Variants in USP8 observed in about 807,000 individuals in gnomAD.
USP8 encodes ubiquitin specific peptidase 8, also known as ubiquitin carboxyl-terminal hydrolase 8.
In USP8, 27 loss-of-function variants were observed where a neutral mutation model predicts 130.0. That is an observed-to-expected ratio of 0.21 (90% CI 0.15 to 0.29). USP8 has a LOEUF of 0.29. Among genes scored for constraint, USP8 ranks in the 10% least tolerant of loss-of-function variants. The pLI is 1.00. For synonymous variants in USP8, 392 were observed against 444.1 expected (o/e 0.88, Z 1.48); for missense variants, 1,029 against 1,312.2 (o/e 0.78, Z 3.33).
At chr15:50,473,194 C>A (rs969441991) in intron 8 of USP8, among the ~76,000 whole-genome samples, 1 of 152,044 alleles carries the variant, frequency 6.6e-6, no homozygotes, top group Non-Finnish European at 1.5e-5. Flanking sequence ...AAAAATAATA[C>A]GGTTGTCCTC....
intron 3 of USP8, among the ~76,000 whole-genome samples, chr15:50,443,152 C>T (rs1343714973): frequency 6.6e-6 from 1 of 152,116 alleles, no homozygotes; most frequent in African/African-American, 2.4e-5. Flanking sequence ...GATTCTCCTG[C>T]CTCAGCCTCC....
In USP8 at chr15:50,499,551, C is replaced by T. The variant is rs908731311; in HGVS notation, c.*463C>T. On this transcript the variant is annotated 3_prime_UTR_variant, in exon 20 of 20. Transcript: ENST00000307179. ...GATGTACATAGTTTAACACGTGGTCCTTTTGTGAAACCTAGAACTCAGAGG... is the reference window on the plus strand; with the variant it reads ...GATGTACATAGTTTAACACGTGGTCTTTTTGTGAAACCTAGAACTCAGAGG... The T allele has an allele frequency of 1.3e-5, 2 of 152,146 alleles. No homozygotes were observed. The highest frequency in any genetic ancestry group is 2.9e-5 in the Non-Finnish European group (2 of 68,066). 9.4% of individuals were successfully genotyped at this position (152,146 alleles called of 1,614,324 possible).
chr15:50,450,617 A>G (rs1433644339), intron 4 of USP8, among the ~76,000 whole-genome samples: 2 of 151,826 alleles, frequency 1.3e-5, no homozygotes, highest in African/African-American at 4.8e-5. Flanking sequence ...TATTACAGGC[A>G]TGTGCCACCA....
chr15:50,432,006 C>A (rs1383774956), intron 1 of USP8, among the ~76,000 whole-genome samples: 1 of 152,150 alleles, frequency 6.6e-6, no homozygotes, highest in East Asian at 1.9e-4. Context: ...TCCTCAAGGC[C>A]AGGTTCTCTC....
In USP8 at chr15:50,471,803, A is replaced by G. The variant is rs748671447; in HGVS notation, c.849+8A>G. On this transcript the variant is annotated splice_region_variant and intron_variant, in intron 8 of 19. Coordinates refer to ENST00000307179, the MANE Select transcript of USP8 (RefSeq NM_005154.5). Reference sequence around the variant, plus strand: ...AAAGATGCACTTTTCAAGGTTTGCAAGTTTCATTGTTAGTTTATTGTAATT... The same window carrying G: ...AAAGATGCACTTTTCAAGGTTTGCAGGTTTCATTGTTAGTTTATTGTAATT... 15 of 1,613,324 alleles carry G rather than the reference A, an allele frequency of 9.3e-6. No homozygotes were observed. The South Asian group carries it at 1.7e-4, about 18-fold the overall frequency.
intron 3 of USP8, among the ~76,000 whole-genome samples, chr15:50,447,901 C>T (rs1269052394): frequency 2.0e-5 from 3 of 151,914 alleles, no homozygotes; most frequent in African/African-American, 7.2e-5. Flanking sequence ...CCGTGCCCAG[C>T]CTAATTTTTG....
At chr15:50,475,459 T>C (rs1053608912) in intron 8 of USP8, among the ~76,000 whole-genome samples, 2 of 152,212 alleles carry the variant, frequency 1.3e-5, no homozygotes, top group East Asian at 3.9e-4. Context: ...AGTGTATAAA[T>C]TGGTATAGCC....
intron 17 of USP8, chr15:50,496,875 A>G (rs77228912): frequency 4.3e-6 from 2 of 464,358 alleles, no homozygotes; most frequent in Non-Finnish European, 7.3e-6. Context: ...TCCTGTCACA[A>G]CACACTGTAG....
intron 12 of USP8, among the ~76,000 whole-genome samples, chr15:50,485,311 G>T (rs374842973): frequency 6.6e-6 from 1 of 151,638 alleles, no homozygotes; most frequent in African/African-American, 2.4e-5. Context: ...TTAGCCGGGC[G>T]TGGTGGCAGG....
Position 50,500,647 on chromosome 15 carries a change from C to T in USP8, c.*1559C>T. ...TGCAGTGTTCAGGAAACACCATTTTCCTGGCTCTTAACGCTTTTGTATTGG... is the reference window on the plus strand; with the variant it reads ...TGCAGTGTTCAGGAAACACCATTTTTCTGGCTCTTAACGCTTTTGTATTGG... On this transcript the variant is annotated 3_prime_UTR_variant, in exon 20 of 20. Coordinates refer to ENST00000307179, the MANE Select transcript of USP8 (RefSeq NM_005154.5). The T allele has an allele frequency of 2.2e-6, 2 of 912,680 alleles. No homozygotes were observed. Among genetic ancestry groups the T allele is most frequent in the Non-Finnish European group, 3.4e-6 (2 of 588,598 alleles). 56.5% of individuals were successfully genotyped at this position (912,680 alleles called of 1,614,324 possible).
At chr15:50,457,860 C>CAAA (rs200645587) in intron 4 of USP8, among the ~76,000 whole-genome samples, 4 of 85,926 alleles carry the variant, frequency 4.7e-5, no homozygotes, top group African/African-American at 1.3e-4. Flanking sequence ...GACTCTGTCT[C>CAAA]AAAAAAAAAA....
intron 10 of USP8, among the ~76,000 whole-genome samples, 187 bp from the exon 11 acceptor site, chr15:50,481,294 T>C (rs569580542): frequency 1.3e-5 from 2 of 152,344 alleles, no homozygotes; most frequent in South Asian, 2.1e-4. Context: ...GTTCCAGTGA[T>C]GTTTGAATAT....
chr15:50,487,568 T>A (rs1242981148), intron 12 of USP8, among the ~76,000 whole-genome samples: 1 of 152,212 alleles, frequency 6.6e-6, no homozygotes, highest in East Asian at 1.9e-4. Context: ...AGCCAAGGTC[T>A]TTGGCAACAT....
chr15:50,451,069 T>C (rs1259865906), intron 4 of USP8, among the ~76,000 whole-genome samples: 3 of 152,156 alleles, frequency 2.0e-5, no homozygotes, highest in Non-Finnish European at 2.9e-5. Context: ...CTTTACTGGC[T>C]TGAATTTTTT....
intron 4 of USP8, among the ~76,000 whole-genome samples, chr15:50,449,890 C>CTTT (rs1198558839): frequency 1.9e-3 from 147 of 78,932 alleles, no homozygotes; most frequent in Non-Finnish European, 2.9e-3. Context: ...CCCAATATTT[C>CTTT]TTTTTTTTTT....
intron 8 of USP8, among the ~76,000 whole-genome samples, chr15:50,472,587 A>G (rs2051416970): frequency 7.2e-6 from 1 of 139,006 alleles, no homozygotes; most frequent in Non-Finnish European, 1.5e-5. Context: ...ACAGAGCGAG[A>G]CTCTGTCTGG....
intron 1 of USP8, among the ~76,000 whole-genome samples, chr15:50,438,514 G>A (rs181332800): frequency 7.9e-5 from 12 of 152,330 alleles, no homozygotes; most frequent in African/African-American, 2.6e-4. Context: ...GAGCTCGGGA[G>A]GTGAAGGTTA....
Position 50,500,982 on chromosome 15 carries a change from T to C in USP8, c.*1894T>C. 1.5e-6 allele frequency: 1 copy of C among 675,188 alleles called. No individual in the cohort carries two copies. The highest frequency in any genetic ancestry group is 2.6e-6 in the Non-Finnish European group (1 of 388,912). 41.8% of individuals were successfully genotyped at this position (675,188 alleles called of 1,614,324 possible). A position where few individuals can be genotyped will look rare whatever the true frequency, so the allele number is the denominator to read the frequency against. ...GATAATTTTGTTGTTAAATCATGCATATAGCCTGACTGCTATATTGCTTCT... is the reference window on the plus strand; with the variant it reads ...GATAATTTTGTTGTTAAATCATGCACATAGCCTGACTGCTATATTGCTTCT... On this transcript the variant is annotated 3_prime_UTR_variant, in exon 20 of 20. Transcript: ENST00000307179.
chr15:50,496,252 T>C (rs1045315716), intron 17 of USP8, among the ~76,000 whole-genome samples, 168 bp downstream of exon 17: 7 of 152,016 alleles, frequency 4.6e-5, no homozygotes, highest in Non-Finnish European at 1.0e-4. Context: ...GAGGCCGAGG[T>C]GGGCGGATCA....
Sources: gnomAD v4.1 joint callset for allele counts (sites outside exome capture counted in the v4.1 genomes callset) on GRCh38, gnomAD v4.1.1 for gene constraint, MANE v1.5 for transcripts, NCBI Gene and HGNC (gene_info 2026-07-23, HGNC 2026-07-21) for gene names.